The following ADD2 variants were observed in gnomAD, a reference collection of about 807,000 sequenced individuals.
The protein encoded by ADD2 is adducin 2.
A neutral mutation model predicts 83.0 loss-of-function variants in ADD2; 23 were observed. That is an observed-to-expected ratio of 0.28 (90% CI 0.20 to 0.39). The LOEUF (loss-of-function observed/expected upper bound fraction) is 0.39, where lower values mean the gene tolerates loss of function less well. Among genes scored for constraint, ADD2 ranks in the 10% least tolerant of loss-of-function variants. ADD2 has a pLI of 1.00. For missense variants in ADD2, 758 were observed against 944.9 expected, an observed-to-expected ratio of 0.80 and a Z score of 2.59; for synonymous variants, 375 against 375.4, an observed-to-expected ratio of 1.00 and a Z score of 0.01.
At chr2:70,673,479 T>G in intron 14 of ADD2, 1 of 616,326 alleles carries the variant, frequency 1.6e-6, no homozygotes, top group Non-Finnish European at 2.9e-6. Context: ...TATTGTTTAA[T>G]TCATCAAATT....
chr2:70,692,562 G>T lies in ADD2; in HGVS notation c.556-10C>A. 1 of 1,586,872 alleles carries T rather than the reference G, an allele frequency of 6.3e-7. No individual in the cohort carries two copies. On this transcript the variant is annotated splice_polypyrimidine_tract_variant and intron_variant, in intron 6 of 15. Transcript: ENST00000264436. ...GAATGTTCACCTTGATCTGCGCCAGGGAAGAAGAGAGACTTATGGCAACAG... is the reference window on the plus strand; with the variant it reads ...GAATGTTCACCTTGATCTGCGCCAGTGAAGAAGAGAGACTTATGGCAACAG...
Position 70,658,533 on chromosome 2 carries a change from G to C in ADD2, c.*4892C>G, listed in dbSNP as rs376733682. The C allele has an allele frequency of 2.6e-5, 4 of 152,318 alleles. No individual in the cohort carries two copies. The East Asian group carries it at 7.7e-4, about 29-fold the overall frequency. The allele number at this position is 152,318 out of a possible 1,614,324, so 9.4% of individuals were successfully genotyped here. ...ACAGATGTGAAACAGATGATAGGCT[G>C]CCTCACTGGCTTTTAGATTGTAGGG... On this transcript the variant is annotated 3_prime_UTR_variant, in exon 16 of 16. Transcript: ENST00000264436.
chr2:70,673,304 T>C, intron 14 of ADD2: 1 of 1,614,142 alleles, frequency 6.2e-7, no homozygotes, highest in Non-Finnish European at 8.5e-7. Flanking sequence ...GACCAGAGCC[T>C]GGCTCTCGTT....
At chr2:70,766,259 T>C (rs1167714721) in intron 1 of ADD2, among the ~76,000 whole-genome samples, 1 of 152,210 alleles carries the variant, frequency 6.6e-6, no homozygotes, top group Non-Finnish European at 1.5e-5. Flanking sequence ...GTTGACATCA[T>C]ACCAATAATG....
Position 70,677,780 on chromosome 2 carries a change from T to G in ADD2, c.1481A>C (p.Glu494Ala). The G allele has an allele frequency of 6.2e-7, 1 of 1,614,206 alleles. No homozygotes were observed. Among genetic ancestry groups the G allele is most frequent in the South Asian group, 1.1e-5 (1 of 91,080 alleles). ...TACCTTGTTCCTCATCTCCAGTACT[T>G]CCTGGGGGTCAGTATAGAGAGGCAC... ...QFVPLYTDPQ[E>A]VLEMRNKIRE... The change falls in exon 12 of 16, where the codon GAA becomes GCA. Residue 494 changes from glutamate (E) to alanine (A), a missense_variant. Transcript: ENST00000264436.
Position 70,758,083 on chromosome 2 carries a change from G to A in ADD2, c.-154+9803C>T, listed in dbSNP as rs558072461. ...TTACCAGGGAGGCTGCCATTCACGC[G>A]GCAGGAACTGTGAGGGATCGACATC... On this transcript the variant is annotated intron_variant, in intron 1 of 15. Transcript: ENST00000264436. 8.5e-5 allele frequency among the ~76,000 whole-genome samples: 13 copies of A among 152,230 alleles called. No homozygotes were observed. In the South Asian group the frequency reaches 1.0e-3, roughly 12 times the overall value.
At chr2:70,675,984 A>T (rs1670119636) in intron 13 of ADD2, 2 of 985,250 alleles carry the variant, frequency 2.0e-6, no homozygotes, top group African/African-American at 3.5e-5. Context: ...GGGGGAGGTA[A>T]GTGTGATGAT....
chr2:70,761,970 A>G (rs1247400201), intron 1 of ADD2, among the ~76,000 whole-genome samples: 6 of 151,772 alleles, frequency 4.0e-5, no homozygotes. Context: ...CGCCTGGCCA[A>G]CACAACTATA....
At chr2:70,761,890 C>T (rs566698538) in intron 1 of ADD2, among the ~76,000 whole-genome samples, 9 of 151,442 alleles carry the variant, frequency 5.9e-5, no homozygotes, top group Admixed American at 2.6e-4. Context: ...CCAGGATGGC[C>T]GATCTCCTGA....
In ADD2 at chr2:70,696,230, G is replaced by T; in HGVS notation, c.474+15C>A. ...ACATGCAGTGCCCCACCCAATTCCA[G>T]GGCGTTCTGCTCACCGTGACATAGG... On this transcript the variant is annotated intron_variant, in intron 5 of 15. Transcript: ENST00000264436. The T allele has an allele frequency of 6.2e-7, 1 of 1,607,962 alleles. No homozygotes were observed. The highest frequency in any genetic ancestry group is 8.5e-7 in the Non-Finnish European group (1 of 1,177,308).
intron 1 of ADD2, among the ~76,000 whole-genome samples, chr2:70,714,692 T>C (rs543835957): frequency 2.0e-5 from 3 of 152,320 alleles, no homozygotes; most frequent in South Asian, 2.1e-4. Context: ...CTTTCTCCAA[T>C]GGCCTCCCTT....
intron 1 of ADD2, among the ~76,000 whole-genome samples, chr2:70,721,925 C>G (rs1672747568): frequency 6.6e-6 from 1 of 152,078 alleles, no homozygotes; most frequent in Non-Finnish European, 1.5e-5. Flanking sequence ...TAGGCGAGCC[C>G]ACAAATCTTA....
At chr2:70,685,194 T>C (rs2104288763) in intron 9 of ADD2, among the ~76,000 whole-genome samples, 1 of 152,350 alleles carries the variant, frequency 6.6e-6, no homozygotes, top group East Asian at 1.9e-4. Context: ...TTTGTGACAG[T>C]TATTTTTTAC....
At chr2:70,729,464 T>C (rs988231522) in intron 1 of ADD2, among the ~76,000 whole-genome samples, 3 of 152,204 alleles carry the variant, frequency 2.0e-5, no homozygotes, top group Non-Finnish European at 4.4e-5. Flanking sequence ...TGTTAGGCCC[T>C]GACTGAAACA....
In ADD2 at chr2:70,678,835, C is replaced by T. The variant is rs376364638; in HGVS notation, c.1252G>A (p.Ala418Thr). 249 of 1,614,046 alleles carry T rather than the reference C, an allele frequency of 1.5e-4. 1 individual carries two copies. Among genetic ancestry groups the T allele is most frequent in the South Asian group, 2.1e-4 (19 of 91,086 alleles). The change falls in exon 11 of 16, where the codon GCC becomes ACC. Residue 418 changes from alanine (A) to threonine (T), a missense_variant. Coordinates refer to ENST00000264436, the MANE Select transcript of ADD2 (RefSeq NM_001617.4). Reference protein sequence around the residue: ...VFEEDGAPVPALRQHAQKQQK... With the variant: ...VFEEDGAPVPTLRQHAQKQQK... ...TGCTTCTGGGCATGCTGTCGCAGGGCGGGCACCGGGGCACCGTCCTCCTCA... is the reference window on the plus strand; with the variant it reads ...TGCTTCTGGGCATGCTGTCGCAGGGTGGGCACCGGGGCACCGTCCTCCTCA...
chr2:70,750,260 G>A (rs1674444713), intron 1 of ADD2, among the ~76,000 whole-genome samples: 1 of 152,168 alleles, frequency 6.6e-6, no homozygotes, highest in South Asian at 2.1e-4. Flanking sequence ...GAAACATCAT[G>A]CCTTTCCAGG....
intron 1 of ADD2, among the ~76,000 whole-genome samples, chr2:70,752,433 T>TTATAAA (rs782629521): frequency 2.0e-5 from 3 of 152,324 alleles, no homozygotes; most frequent in African/African-American, 7.2e-5. Flanking sequence ...CTTTAAATAC[T>TTATAAA]TATAAATATA....
chr2:70,752,868 C>T (rs1380081961), intron 1 of ADD2, among the ~76,000 whole-genome samples: 5 of 152,172 alleles, frequency 3.3e-5, no homozygotes, highest in Non-Finnish European at 7.3e-5. Context: ...AACTCTCAGG[C>T]CCCACTCCAG....
chr2:70,677,221 T>TGGGGAGA (rs1189551027), intron 12 of ADD2, among the ~76,000 whole-genome samples: 2 of 150,712 alleles, frequency 1.3e-5, no homozygotes, highest in East Asian at 2.0e-4. Flanking sequence ...TCTGAATATC[T>TGGGGAGA]GGGGAGAGGG....
Sources: allele counts gnomAD v4.1 joint callset (sites outside exome capture counted in the v4.1 genomes callset), GRCh38; gene constraint gnomAD v4.1.1; transcripts MANE v1.5; gene names NCBI Gene and HGNC (gene_info 2026-07-23, HGNC 2026-07-21).